TP73: variants seen among roughly 807,000 people sequenced by gnomAD.
TP73 encodes p53-like transcription factor.
In TP73, 25 loss-of-function variants were observed where a neutral mutation model predicts 62.5. The observed-to-expected ratio is 0.40, with a 90% CI of 0.29 to 0.56. The LOEUF (loss-of-function observed/expected upper bound fraction) is 0.56, where lower values mean the gene tolerates loss of function less well. TP73 is among the 20% of genes least tolerant of loss of function. The probability of loss-of-function intolerance (pLI) is 0.46; values close to 1 mark genes in which losing one functional copy is unlikely to be tolerated. For missense variants in TP73, 754 were observed against 913.3 expected (o/e 0.83, Z 2.25); for synonymous variants, 423 against 377.5 (o/e 1.12, Z -1.40).
At chr1:3,718,220 G>A (rs1401371330) in intron 4 of TP73, among the ~76,000 whole-genome samples, 1 of 152,178 alleles carries the variant, frequency 6.6e-6, no homozygotes, top group African/African-American at 2.4e-5. Flanking sequence ...CCGGGGCGGG[G>A]CGGGGCGGGG....
At chr1:3,665,075 C>A (rs1053694749) in intron 1 of TP73, among the ~76,000 whole-genome samples, 2 of 152,218 alleles carry the variant, frequency 1.3e-5, no homozygotes, top group Non-Finnish European at 2.9e-5. Flanking sequence ...GCCACGCTCA[C>A]GATTCAGTGC....
At chr1:3,697,792 C>T (rs959775913) in intron 3 of TP73, among the ~76,000 whole-genome samples, 7 of 152,332 alleles carry the variant, frequency 4.6e-5, no homozygotes, top group South Asian at 4.1e-4. Context: ...ACAGGCAGAG[C>T]GGGGCTGGGT....
rs1449182039 is a variant in TP73 at position 3,696,889 on chromosome 1, G to T, written c.187-10660G>T. Among the ~76,000 whole-genome samples the T allele has an allele frequency of 6.6e-6, 1 of 152,120 alleles. No individual in the cohort carries two copies. The highest frequency in any genetic ancestry group is 1.5e-5 in the Non-Finnish European group (1 of 68,004). Reference sequence around the variant, plus strand: ...TGTGCCTAGTGCACGCCCGCCTCCGGCCCCCCTGCCACCCTCGGCCAGCTG... The same window carrying T: ...TGTGCCTAGTGCACGCCCGCCTCCGTCCCCCCTGCCACCCTCGGCCAGCTG... On this transcript the variant is annotated intron_variant, in intron 3 of 13. Transcript: ENST00000378295. The surrounding 1 kb of genome is among the most constrained non-coding windows in gnomAD (Gnocchi z 4.1).
At chr1:3,654,067 G>A (rs775312374) in intron 1 of TP73, among the ~76,000 whole-genome samples, 3 of 152,250 alleles carry the variant, frequency 2.0e-5, no homozygotes, top group Non-Finnish European at 2.9e-5. Context: ...CCAGCTACTC[G>A]GGAGGCTGAG....
chr1:3,715,850 G>C (rs898294156), intron 4 of TP73, among the ~76,000 whole-genome samples: 1 of 152,156 alleles, frequency 6.6e-6, no homozygotes, highest in Non-Finnish European at 1.5e-5. Context: ...GCACATACCT[G>C]CTTCCCTCCC....
intron 1 of TP73, among the ~76,000 whole-genome samples, chr1:3,671,184 A>G (rs1645232656): frequency 6.6e-6 from 1 of 152,154 alleles, no homozygotes; most frequent in Non-Finnish European, 1.5e-5. Context: ...TCCAGCTGGA[A>G]CTGCCTCAGG....
chr1:3,727,688 C>G lies in TP73; in HGVS notation c.903C>G (p.Asp301Glu). Residue 301 changes from aspartate (D) to glutamate (E), a missense_variant, in exon 8 of 14, where the codon GAC becomes GAG. Around this residue, in one of 3 missense-constraint regions of TP73, gnomAD observed 458 missense variants for 528.7 expected, o/e 0.87. Coordinates refer to ENST00000378295, the MANE Select transcript of TP73 (RefSeq NM_005427.4). The part of the protein sequence containing the change: ...EGRICACPGR[D>E]RKADEDHYRE... Reference sequence around the variant, plus strand: ...GCATCTGCGCCTGTCCTGGCCGCGACCGAAAAGCTGATGAGGACCACTACC... The same window carrying G: ...GCATCTGCGCCTGTCCTGGCCGCGAGCGAAAAGCTGATGAGGACCACTACC... 6.3e-7 allele frequency: 1 copy of G among 1,592,678 alleles called. No homozygotes were observed. The highest frequency in any genetic ancestry group is 8.5e-7 in the Non-Finnish European group (1 of 1,171,874).
intron 1 of TP73, among the ~76,000 whole-genome samples, chr1:3,674,272 C>G (rs187388460): frequency 2.2e-3 from 340 of 152,334 alleles, no homozygotes; most frequent in Non-Finnish European, 3.7e-3. Flanking sequence ...TCTGCCTCCC[C>G]TCCCCTCCCG....
intron 3 of TP73, among the ~76,000 whole-genome samples, chr1:3,706,539 G>A (rs535760319): frequency 6.6e-6 from 1 of 152,192 alleles, no homozygotes; most frequent in South Asian, 2.1e-4. Flanking sequence ...ATTTGTTTGC[G>A]TTGAGCCTCG....
chr1:3,698,186 G>A (rs1638837958), intron 3 of TP73: 1 of 939,220 alleles, frequency 1.1e-6, no homozygotes, highest in South Asian at 4.9e-5. Context: ...GCAGGGGCAT[G>A]TGTGCAAGGA....
intron 3 of TP73, among the ~76,000 whole-genome samples, chr1:3,695,740 G>T (rs903487990): frequency 2.0e-5 from 3 of 152,256 alleles, no homozygotes; most frequent in African/African-American, 2.4e-5. Context: ...GGAACCAAGG[G>T]ACGCAGCTGG....
At chr1:3,709,030 C>T (rs766992351) in intron 4 of TP73, among the ~76,000 whole-genome samples, 5 of 152,210 alleles carry the variant, frequency 3.3e-5, no homozygotes, top group African/African-American at 1.2e-4. Context: ...GCCATAGCTG[C>T]GGTTTTCCCA....
chr1:3,731,666 C>T (rs1024586501), intron 13 of TP73, 110 bp downstream of exon 13: 6 of 1,008,464 alleles, frequency 5.9e-6, no homozygotes, highest in Middle Eastern at 2.9e-4. Flanking sequence ...ACTTGGAAAC[C>T]CTTTCCCACG....
intron 4 of TP73, among the ~76,000 whole-genome samples, chr1:3,709,764 TG>T (rs1040898424): frequency 9.2e-5 from 14 of 152,314 alleles, no homozygotes; most frequent in African/African-American, 3.1e-4. Context: ...ATGATGCTGG[TG>T]GTTTCTGGAG....
intron 3 of TP73, among the ~76,000 whole-genome samples, chr1:3,688,470 C>T (rs542218111): frequency 1.3e-5 from 2 of 152,318 alleles, no homozygotes; most frequent in African/African-American, 2.4e-5. Context: ...CCGTGGCCTG[C>T]GGCAGCGTCG....
chr1:3,723,723 C>T (rs1641288500), intron 6 of TP73, among the ~76,000 whole-genome samples: 3 of 152,240 alleles, frequency 2.0e-5, no homozygotes, highest in Admixed American at 2.0e-4. Context: ...CTCAGTGTGC[C>T]CAGCTCCATA....
rs555012709 is a variant in TP73, at chr1:3,730,993, G to A, written c.1412G>A (p.Ser471Asn). 6.2e-7 allele frequency: 1 copy of A among 1,612,410 alleles called. No individual in the cohort carries two copies. The highest frequency in any genetic ancestry group is 1.7e-5 in the Admixed American group (1 of 59,994). ...PANGEMSSSH[S>N]AQSMVSGSHC... ...AACGGCGAGATGAGCAGCAGCCACA[G>A]CGCCCAGTCCATGGTCTCGGGGTCC... Residue 471 changes from serine to asparagine, a missense_variant, in exon 12 of 14, where the codon AGC (serine) becomes AAC (asparagine). Ser to Asn is a conservative substitution (Grantham distance 46). This residue lies in a region of TP73 where 458 missense variants were observed against 528.7 expected (regional missense o/e 0.87). Transcript: ENST00000378295.
At chr1:3,692,671 C>T (rs1215744639) in intron 3 of TP73, among the ~76,000 whole-genome samples, 1 of 152,088 alleles carries the variant, frequency 6.6e-6, no homozygotes, top group Non-Finnish European at 1.5e-5. Flanking sequence ...CCAGAAGCCT[C>T]GGGTGGAGAG....
rs1482214936 is a variant in TP73, at chr1:3,722,054, A to C, written c.463A>C (p.Ile155Leu). 6.2e-7 allele frequency: 1 copy of C among 1,611,470 alleles called. No homozygotes were observed. Among genetic ancestry groups the C allele is most frequent in the Admixed American group, 1.7e-5 (1 of 59,790 alleles). ...SPLLKKLYCQIAKTCPIQIKV... is the reference protein window; with the variant it reads ...SPLLKKLYCQLAKTCPIQIKV... ...GCTCTTGAAGAAACTCTACTGCCAG[A>C]TCGCCAAGACATGCCCCATCCAGAT... is the stretch of plus-strand genomic sequence containing the variant. The change falls in exon 5 of 14, where the codon ATC becomes CTC. Residue 155 changes from isoleucine (I) to leucine (L), a missense_variant. This residue lies in a region of TP73 where 235 missense variants were observed against 251.4 expected (regional missense o/e 0.93). Transcript: ENST00000378295.
Sources: allele counts gnomAD v4.1 joint callset (sites outside exome capture counted in the v4.1 genomes callset), GRCh38; gene constraint gnomAD v4.1.1; regional missense constraint gnomAD v4.1.1; non-coding constraint Gnocchi (gnomAD v3.1); transcripts MANE v1.5; gene names NCBI Gene and HGNC (gene_info 2026-07-23, HGNC 2026-07-21).